PDS5B: variants seen among roughly 807,000 people sequenced by gnomAD.
PDS5B encodes the protein PDS5 cohesin associated factor B.
Under a neutral mutation model 184.1 loss-of-function variants are expected in PDS5B, and 51 were observed. That is an observed-to-expected ratio of 0.28 (90% CI 0.22 to 0.35). The LOEUF (loss-of-function observed/expected upper bound fraction) is 0.35. PDS5B is among the 10% of genes least tolerant of loss of function. PDS5B has a pLI of 1.00. For missense variants in PDS5B, 1,180 were observed against 1,723.3 expected (o/e 0.68, Z 5.58); for synonymous variants, 566 against 569.2 (o/e 0.99, Z 0.08).
In PDS5B at chr13:32,775,619, GGTGCTAAATT is replaced by G; in HGVS notation, c.*570_*579del. On this transcript the variant is annotated 3_prime_UTR_variant, in exon 35 of 35. Coordinates refer to ENST00000315596, the MANE Select transcript of PDS5B (RefSeq NM_015032.4). Reference sequence around the variant, plus strand: ...CTCCTGGGCACCCTTAATCTTCAGAGGTGCTAAATTGTCTGCCATTACACCAGAAGGATGC... The same window carrying G: ...CTCCTGGGCACCCTTAATCTTCAGAGGTCTGCCATTACACCAGAAGGATGC... 1 of 455,946 alleles carries G rather than the reference GGTGCTAAATT, an allele frequency of 2.2e-6. No individual in the cohort carries two copies. Among genetic ancestry groups the G allele is most frequent in the African/African-American group, 2.0e-5 (1 of 50,146 alleles). The allele number at this position is 455,946 out of a possible 1,614,324, so 28.2% of individuals were successfully genotyped here.
rs117964330 is a variant in PDS5B at position 32,611,160 on chromosome 13, G to A, written c.-20+24567G>A. Among the ~76,000 whole-genome samples the A allele has an allele frequency of 8.4e-3, 1,281 of 152,028 alleles. 5 individuals carry two copies. The highest frequency in any genetic ancestry group is 0.014 in the Non-Finnish European group (936 of 67,986). ...TTGTTTTTCAACCTCCTTTCTAAGC[G>A]TTTTCTGCATAGTCATTCATTTCCA... is the stretch of plus-strand genomic sequence containing the variant. On this transcript the variant is annotated intron_variant, in intron 1 of 34. Transcript: ENST00000315596.
At chr13:32,688,915 T>A in intron 13 of PDS5B, 1 of 275,082 alleles carries the variant, frequency 3.6e-6, no homozygotes. Context: ...AAATACTACC[T>A]TTTTATTCTC....
rs2141004254 is a variant in PDS5B at position 32,755,881 on chromosome 13, A to G, written c.2981A>G (p.Tyr994Cys). 6.4e-7 allele frequency: 1 copy of G among 1,569,464 alleles called. No homozygotes were observed. Among genetic ancestry groups the G allele is most frequent in the South Asian group, 1.1e-5 (1 of 87,004 alleles). The change falls in exon 26 of 35, where the codon TAT becomes TGT. Residue 994 changes from tyrosine (Y) to cysteine (C), a missense_variant. By Grantham distance (194) the Tyr-to-Cys change is radical. This residue lies in a region of PDS5B where 57 missense variants were observed against 80.9 expected (regional missense o/e 0.70). Coordinates refer to ENST00000315596, the MANE Select transcript of PDS5B (RefSeq NM_015032.4). ...CTTCTACCAGAGTATGTTGTTCCAT[A>G]TACAATTCACCTTTTGGCACATGAC... ...LSLLPEYVVP[Y>C]TIHLLAHDPD...
At chr13:32,607,177 C>G (rs1012481467) in intron 1 of PDS5B, among the ~76,000 whole-genome samples, 12 of 152,180 alleles carry the variant, frequency 7.9e-5, no homozygotes, top group Admixed American at 3.3e-4. Context: ...TCTGGTTTCT[C>G]CCCATCTTTG....
At chr13:32,609,261 A>G (rs1203056906) in intron 1 of PDS5B, among the ~76,000 whole-genome samples, 1 of 152,196 alleles carries the variant, frequency 6.6e-6, no homozygotes. Context: ...TTTGTATTTA[A>G]TTTAGATACT....
chr13:32,631,493 C>T (rs1001719249), intron 1 of PDS5B, among the ~76,000 whole-genome samples: 1 of 152,182 alleles, frequency 6.6e-6, no homozygotes, highest in African/African-American at 2.4e-5. Flanking sequence ...GAACAATAAT[C>T]TTTGGCTTTC....
intron 22 of PDS5B, among the ~76,000 whole-genome samples, chr13:32,741,652 TA>T (rs1212853202): frequency 6.6e-6 from 1 of 151,484 alleles, no homozygotes; most frequent in Non-Finnish European, 1.5e-5. Context: ...ATACATACAT[TA>T]AATATTGTTA....
intron 6 of PDS5B, among the ~76,000 whole-genome samples, 174 bp downstream of exon 6, chr13:32,659,454 A>ATAAC (rs1950591470): frequency 6.6e-6 from 1 of 152,226 alleles, no homozygotes. Context: ...GATACACTTA[A>ATAAC]TAACTAATAA....
chr13:32,715,929 G>A (rs557805720), intron 19 of PDS5B, among the ~76,000 whole-genome samples: 1 of 152,266 alleles, frequency 6.6e-6, no homozygotes, highest in African/African-American at 2.4e-5. Flanking sequence ...CCGAGGTGCC[G>A]GGATTGCAGA....
chr13:32,699,942 T>A, intron 16 of PDS5B, 73 bp downstream of exon 16: 1 of 1,313,854 alleles, frequency 7.6e-7, no homozygotes. Context: ...TTTATAAAAG[T>A]AATTTATATT....
chr13:32,718,153 G>T (rs1952542743), intron 19 of PDS5B, among the ~76,000 whole-genome samples: 1 of 124,860 alleles, frequency 8.0e-6, no homozygotes, highest in Non-Finnish European at 1.8e-5. Context: ...AAGGGCTTCT[G>T]AATTTTTTTT....
intron 7 of PDS5B, among the ~76,000 whole-genome samples, chr13:32,670,264 T>C (rs1340206787): frequency 6.6e-6 from 1 of 152,196 alleles, no homozygotes; most frequent in Non-Finnish European, 1.5e-5. Flanking sequence ...TCACCCAGGC[T>C]GGAGTTCAGT....
chr13:32,595,487 AAC>A (rs1411542106), intron 1 of PDS5B, among the ~76,000 whole-genome samples: 1 of 152,194 alleles, frequency 6.6e-6, no homozygotes, highest in African/African-American at 2.4e-5. Context: ...GGGGTTTCAA[AAC>A]ACAACTATGT....
chr13:32,770,124 G>A lies in PDS5B; in HGVS notation c.3628G>A (p.Glu1210Lys). 6.3e-7 allele frequency: 1 copy of A among 1,593,428 alleles called. No homozygotes were observed. The highest frequency in any genetic ancestry group is 8.5e-7 in the Non-Finnish European group (1 of 1,173,194). Reference protein sequence around the residue: ...KRDDSDLVRSELEKPRGRKKT... With the variant: ...KRDDSDLVRSKLEKPRGRKKT... ...TGTGATTTTTTTTTTCCCCTAGTCT[G>A]AATTGGAGAAGCCTAGAGGCAGGAA... Residue 1210 changes from glutamate (E) to lysine (K), a missense_variant, in exon 32 of 35, where the codon GAA (glutamate) becomes AAA (lysine). By Grantham distance (56) the Glu-to-Lys change is moderately conservative. Coordinates refer to ENST00000315596, the MANE Select transcript of PDS5B (RefSeq NM_015032.4).
chr13:32,622,159 A>G (rs925491588), intron 1 of PDS5B, among the ~76,000 whole-genome samples: 7 of 150,622 alleles, frequency 4.6e-5, no homozygotes, highest in Non-Finnish European at 8.9e-5. Context: ...TTTATTCTTC[A>G]TTTCTTTTCC....
chr13:32,738,443 T>C (rs1247217884), intron 21 of PDS5B, among the ~76,000 whole-genome samples: 1 of 152,202 alleles, frequency 6.6e-6, no homozygotes, highest in East Asian at 1.9e-4. Context: ...TGGTTACTAA[T>C]TAAGTTTGTG....
At chr13:32,750,286 AC>A (rs1953924730) in intron 24 of PDS5B, among the ~76,000 whole-genome samples, 1 of 152,168 alleles carries the variant, frequency 6.6e-6, no homozygotes. Flanking sequence ...TCAGAGAGGG[AC>A]AAAAACCTGG....
chr13:32,722,669 A>G (rs1462532161), intron 19 of PDS5B, among the ~76,000 whole-genome samples: 2 of 152,240 alleles, frequency 1.3e-5, no homozygotes, highest in Non-Finnish European at 2.9e-5. Flanking sequence ...AAACAAATTA[A>G]TACAGATGTT....
Position 32,625,438 on chromosome 13 carries a change from T to TA in PDS5B, c.-19-23306dup, listed in dbSNP as rs199945854. Among the ~76,000 whole-genome samples the TA allele has an allele frequency of 3.6e-3, 541 of 150,860 alleles. 3 individuals are homozygous for TA. Among genetic ancestry groups the TA allele is most frequent in the Admixed American group, 0.015 (223 of 15,150 alleles). On this transcript the variant is annotated intron_variant, in intron 1 of 34. Transcript: ENST00000315596. ...ATTTCATTGTGACAGCACTAAAAAT[T>TA]AAAAAAAAAATTCTTTTGTGTTTTT... is the stretch of plus-strand genomic sequence containing the variant.
Sources: allele counts gnomAD v4.1 joint callset (sites outside exome capture counted in the v4.1 genomes callset), GRCh38; gene constraint gnomAD v4.1.1; regional missense constraint gnomAD v4.1.1; transcripts MANE v1.5; gene names NCBI Gene and HGNC (gene_info 2026-07-23, HGNC 2026-07-21).